PIK3C2G: variants seen among roughly 807,000 people sequenced by gnomAD.
PIK3C2G encodes phosphatidylinositol-4-phosphate 3-kinase catalytic subunit type 2 gamma, also known as phosphatidylinositol 3-kinase C2 domain-containing subunit gamma.
In PIK3C2G, 168 loss-of-function variants were observed where a neutral mutation model predicts 181.1. That is an observed-to-expected ratio of 0.93 (90% CI 0.82 to 1.05). PIK3C2G has a LOEUF of 1.05. Ranked by LOEUF, PIK3C2G falls within the 50% of genes least tolerant of loss-of-function variation. The pLI is 0.00. For synonymous variants in PIK3C2G, 573 were observed against 592.2 expected (o/e 0.97, Z 0.47); for missense variants, 1,869 against 1,732.8 (o/e 1.08, Z -1.40).
chr12:18,307,983 ATTAT>A (rs1565580923), intron 5 of PIK3C2G, among the ~76,000 whole-genome samples: 1 of 151,942 alleles, frequency 6.6e-6, no homozygotes, highest in African/African-American at 2.4e-5. Context: ...GATGTTTCAC[ATTAT>A]TTAATATGAC....
At chr12:18,713,066 C>T in the PIK3C2G span, 2 of 1,549,950 alleles carry the variant, frequency 1.3e-6, no homozygotes, top group Admixed American at 1.7e-5. Context: ...ATTCCAAAGA[C>T]CATTTGATTT....
chr12:18,701,729 T>G, the PIK3C2G span: 8 of 1,612,826 alleles, frequency 5.0e-6, no homozygotes, highest in Non-Finnish European at 6.8e-6. Flanking sequence ...GGGTTTCCTT[T>G]AAGGTTCCTA....
At chr12:18,696,322 C>CTATATATATATATATATATA in the PIK3C2G span, 2,406 of 267,018 alleles carry the variant, frequency 9.0e-3, 174 homozygotes, top group African/African-American at 0.034. Flanking sequence ...TAAAAAGCCA[C>CTATATATATATATATATATA]TATATATATA....
chr12:18,461,474 C>A (rs2135938326), intron 18 of PIK3C2G, among the ~76,000 whole-genome samples: 1 of 152,224 alleles, frequency 6.6e-6, no homozygotes, highest in Admixed American at 6.5e-5. Context: ...ATTGATAGAA[C>A]AGAGAATACA....
At chr12:18,440,770 A>G (rs1424686248) in intron 18 of PIK3C2G, among the ~76,000 whole-genome samples, 1 of 152,102 alleles carries the variant, frequency 6.6e-6, no homozygotes, top group African/African-American at 2.4e-5. Context: ...TTATTAGAAT[A>G]TTAGCTTTAA....
chr12:18,636,903 T>TCACA lies in PIK3C2G; in HGVS notation c.4183-3525_4183-3522dup, dbSNP rs1220869618. On this transcript the variant is annotated intron_variant, in intron 31 of 32. Transcript: ENST00000538779. ...CTTTTTCACCGTAATAGCCCTCACTTCACAGGTCAGGAAACCAATGTGAGG... is the reference window on the plus strand; with the variant it reads ...CTTTTTCACCGTAATAGCCCTCACTTCACACACAGGTCAGGAAACCAATGTGAGG... 9.2e-5 allele frequency among the ~76,000 whole-genome samples: 14 copies of TCACA among 152,324 alleles called. No individual in the cohort carries two copies. In the East Asian group the frequency reaches 2.7e-3, roughly 29 times the overall value.
At chr12:18,507,758 G>A (rs1017827031) in intron 24 of PIK3C2G, among the ~76,000 whole-genome samples, 6 of 152,024 alleles carry the variant, frequency 3.9e-5, no homozygotes, top group Non-Finnish European at 8.8e-5. Flanking sequence ...GTTCATGTGA[G>A]TGGTTTAAAA....
intron 18 of PIK3C2G, among the ~76,000 whole-genome samples, chr12:18,449,025 T>C (rs1947188528): frequency 1.3e-5 from 2 of 152,034 alleles, no homozygotes; most frequent in Non-Finnish European, 2.9e-5. Flanking sequence ...TGCTGGATCA[T>C]ATGGTAGTTC....
At position 18,430,385 on chromosome 12, in the gene PIK3C2G, C is replaced by CA. The variant is rs1282694819; in HGVS notation, c.2504+6351dup. Among the ~76,000 whole-genome samples the CA allele has an allele frequency of 1.3e-4, 20 of 152,192 alleles. No homozygotes were observed. The East Asian group carries it at 3.9e-3, about 29-fold the overall frequency. Reference sequence around the variant, plus strand: ...AAGGTGTCACTTAAGGCACCTAATGCAAAAATCTCTTCAAAATGTTCCTTT... The same window carrying CA: ...AAGGTGTCACTTAAGGCACCTAATGCAAAAAATCTCTTCAAAATGTTCCTTT... On this transcript the variant is annotated intron_variant, in intron 18 of 32. Coordinates refer to ENST00000538779, the MANE Select transcript of PIK3C2G (RefSeq NM_001288772.2).
At chr12:18,716,464 G>A in the PIK3C2G span, among the ~76,000 whole-genome samples, 4 of 152,172 alleles carry the variant, frequency 2.6e-5, no homozygotes, top group Admixed American at 1.3e-4. Flanking sequence ...GCACCCAAGA[G>A]AAAGTTTTAC....
intron 1 of PIK3C2G, among the ~76,000 whole-genome samples, chr12:18,251,420 C>T (rs1363370141): frequency 6.6e-6 from 1 of 151,914 alleles, no homozygotes; most frequent in African/African-American, 2.4e-5. Context: ...ACACAAACTA[C>T]AAATGCATCT....
intron 16 of PIK3C2G, among the ~76,000 whole-genome samples, chr12:18,412,964 T>C (rs1461156269): frequency 2.0e-5 from 3 of 152,176 alleles, no homozygotes; most frequent in African/African-American, 7.2e-5. Context: ...TGGCAAGATA[T>C]AGAGTTGCTA....
chr12:18,544,376 C>T (rs1944315163), intron 25 of PIK3C2G, among the ~76,000 whole-genome samples: 1 of 151,698 alleles, frequency 6.6e-6, no homozygotes, highest in Non-Finnish European at 1.5e-5. Context: ...TAAAGAAGTA[C>T]CATTATCTAG....
At chr12:18,325,621 T>C (rs1951305511) in intron 8 of PIK3C2G, among the ~76,000 whole-genome samples, 1 of 147,536 alleles carries the variant, frequency 6.8e-6, no homozygotes, top group African/African-American at 2.5e-5. Context: ...GGCAGGAGAA[T>C]AGCTTGAACC....
chr12:18,476,690 TAACA>T (rs1592356780), intron 18 of PIK3C2G, among the ~76,000 whole-genome samples: 2 of 152,218 alleles, frequency 1.3e-5, no homozygotes, highest in East Asian at 3.9e-4. Flanking sequence ...GGGCCAAGGA[TAACA>T]GCCTCATTTT....
At chr12:18,271,068 C>A (rs904169355) in intron 1 of PIK3C2G, among the ~76,000 whole-genome samples, 6 of 152,082 alleles carry the variant, frequency 3.9e-5, no homozygotes, top group African/African-American at 1.4e-4. Flanking sequence ...CTAGTGGAAG[C>A]TGTTCATAGT....
rs899801151 is a variant in PIK3C2G, at chr12:18,314,022, C to A, written c.1095C>A (p.His365Gln). 3.1e-6 allele frequency: 5 copies of A among 1,589,226 alleles called. No individual in the cohort carries two copies. The East Asian group carries it at 1.1e-4, about 36-fold the overall frequency. The change falls in exon 6 of 33, where the codon CAC becomes CAA. Residue 365 changes from histidine to glutamine, a missense_variant. Transcript: ENST00000538779. ...AAGATAAATCTGTTATTCAGCTCCA[C>A]CTGCAGAAAAGTAGGGAAGCTCCAG... ...FQKDKSVIQL[H>Q]LQKSREAPGK... is the part of the protein sequence containing the mutation.
chr12:18,458,994 T>C (rs933832049), intron 18 of PIK3C2G, among the ~76,000 whole-genome samples: 2 of 152,120 alleles, frequency 1.3e-5, no homozygotes, highest in Non-Finnish European at 2.9e-5. Flanking sequence ...TGGACAATAC[T>C]TGGATTTTAG....
At chr12:18,642,596 G>A (rs1332060475) in intron 32 of PIK3C2G, among the ~76,000 whole-genome samples, 2 of 152,084 alleles carry the variant, frequency 1.3e-5, no homozygotes, top group Non-Finnish European at 2.9e-5. Flanking sequence ...TGTGAACTCT[G>A]CAAACACTGT....
Sources: allele counts gnomAD v4.1 joint callset (sites outside exome capture counted in the v4.1 genomes callset), GRCh38; gene constraint gnomAD v4.1.1; transcripts MANE v1.5; gene names NCBI Gene and HGNC (gene_info 2026-07-23, HGNC 2026-07-21).